The following HNRNPDL variants were observed in gnomAD, a reference collection of about 807,000 sequenced individuals.
The protein encoded by HNRNPDL is heterogeneous nuclear ribonucleoprotein D like, also known as heterogeneous nuclear ribonucleoprotein D-like.
HNRNPDL carries 18 observed loss-of-function variants against 48.0 expected under a neutral mutation model. That is an observed-to-expected ratio of 0.38 (90% CI 0.26 to 0.56). The LOEUF is 0.56. Among genes scored for constraint, HNRNPDL ranks in the 20% least tolerant of loss-of-function variants. The probability of loss-of-function intolerance (pLI) is 0.77; values close to 1 mark genes in which losing one functional copy is unlikely to be tolerated. For missense variants in HNRNPDL, 553 were observed against 540.7 expected, an observed-to-expected ratio of 1.02 and a Z score of -0.23; for synonymous variants, 306 against 207.3, an observed-to-expected ratio of 1.48 and a Z score of -4.09.
Position 82,423,567 on chromosome 4 carries a change from C to G in HNRNPDL, c.*1339G>C, listed in dbSNP as rs1044223683. 1 of 151,906 alleles carries G rather than the reference C, an allele frequency of 6.6e-6. No individual in the cohort carries two copies. Among genetic ancestry groups the G allele is most frequent in the South Asian group, 2.1e-4 (1 of 4,664 alleles). The allele number at this position is 151,906 out of a possible 1,614,324, so 9.4% of individuals were successfully genotyped here. ...AGGGCTCATGAGCATAAGAAACTTACCAGTTTTGTGAGATCACCCGTTGTG... is the reference window on the plus strand; with the variant it reads ...AGGGCTCATGAGCATAAGAAACTTAGCAGTTTTGTGAGATCACCCGTTGTG... On this transcript the variant is annotated 3_prime_UTR_variant, in exon 8 of 8. Transcript: ENST00000295470.
rs1721292198 is a variant in HNRNPDL at position 82,423,763 on chromosome 4, C to G, written c.*1143G>C. ...TTCTTTTCAATGCACCCAGAGGGTC[C>G]ACTGTAATGACTCAGTCACATTTGT... is the stretch of plus-strand genomic sequence containing the variant. On this transcript the variant is annotated 3_prime_UTR_variant, in exon 8 of 8. Coordinates refer to ENST00000295470, the MANE Select transcript of HNRNPDL (RefSeq NM_031372.4). 2 of 152,154 alleles carry G rather than the reference C, an allele frequency of 1.3e-5. No homozygotes were observed. The highest frequency in any genetic ancestry group is 4.8e-5 in the African/African-American group (2 of 41,424). The allele number at this position is 152,154 out of a possible 1,614,324, so 9.4% of individuals were successfully genotyped here. A position where few individuals can be genotyped will look rare whatever the true frequency, so the allele number is the denominator to read the frequency against.
chr4:82,427,699 T>C, intron 3 of HNRNPDL, 135 bp from the exon 4 acceptor site: 8 of 782,222 alleles, frequency 1.0e-5, no homozygotes, highest in Non-Finnish European at 1.3e-5. Context: ...CATCACTGCT[T>C]TATGATCAAC....
chr4:82,426,422 T>G (rs1560456834), intron 6 of HNRNPDL, 41 bp downstream of exon 6: 2 of 1,544,918 alleles, frequency 1.3e-6, no homozygotes, highest in Non-Finnish European at 8.9e-7. Context: ...ACAATGAATT[T>G]TAATACCACT....
At chr4:82,429,166 G>A (rs954537613) in intron 1 of HNRNPDL, 82 bp downstream of exon 1, 7 of 1,280,438 alleles carry the variant, frequency 5.5e-6, no homozygotes, top group Non-Finnish European at 8.0e-6. Context: ...AGAAAGAATG[G>A]GGGCAGCGCG....
rs769253084 is a variant in HNRNPDL, at chr4:82,429,347, T to G, written c.344A>C (p.Asp115Ala). ...TRTARQHPPA[D>A]SSVTMEDMNE... ...CATATCCTCCATAGTGACGGAGCTGTCGGCAGGGGGGTGCTGGCGCGCAGT... is the reference window on the plus strand; with the variant it reads ...CATATCCTCCATAGTGACGGAGCTGGCGGCAGGGGGGTGCTGGCGCGCAGT... Residue 115 changes from aspartate to alanine, a missense_variant, in exon 1 of 8, where the codon GAC becomes GCC. Transcript: ENST00000295470. 6.2e-7 allele frequency: 1 copy of G among 1,613,826 alleles called. No homozygotes were observed. Among genetic ancestry groups the G allele is most frequent in the East Asian group, 2.2e-5 (1 of 44,812 alleles).
In HNRNPDL at chr4:82,428,383, A is replaced by T; in HGVS notation, c.507T>A (p.Ser169=). Residue 169 remains serine (S), a synonymous_variant, in exon 2 of 8, where the codon TCT becomes TCA. Coordinates refer to ENST00000295470, the MANE Select transcript of HNRNPDL (RefSeq NM_031372.4). Reference sequence around the variant, plus strand: ...TGCAGTCTACAACTTCCCCAAATCGAGACAAGTACTCTGTCAGATCTTTTT... The same window carrying T: ...TGCAGTCTACAACTTCCCCAAATCGTGACAAGTACTCTGTCAGATCTTTTT... ...TSKKDLTEYL[S]RFGEVVDCTI... is the part of the protein sequence containing the mutation. 1.9e-6 allele frequency: 3 copies of T among 1,613,762 alleles called. No homozygotes were observed. Among genetic ancestry groups the T allele is most frequent in the Non-Finnish European group, 2.5e-6 (3 of 1,179,656 alleles).
At chr4:82,426,394 G>A in intron 6 of HNRNPDL, 69 bp downstream of exon 6, 2 of 1,383,924 alleles carry the variant, frequency 1.4e-6, no homozygotes, top group Non-Finnish European at 1.0e-6. Flanking sequence ...CACAATTTCA[G>A]AACAGGATTG....
In HNRNPDL at chr4:82,427,506, A is replaced by C; in HGVS notation, c.833T>G (p.Phe278Cys). ...TKTNERRGFC[F>C]ITYTDEEPVK... ...TGGCTCTTCATCAGTATATGTGATA[A>C]AACAAAATCCTCTTCTTTCATTTGT... Residue 278 changes from phenylalanine (F) to cysteine (C), a missense_variant, in exon 4 of 8, where the codon TTT becomes TGT. Phe to Cys is a radical substitution (Grantham distance 205). Coordinates refer to ENST00000295470, the MANE Select transcript of HNRNPDL (RefSeq NM_031372.4). 1 of 1,610,280 alleles carries C rather than the reference A, an allele frequency of 6.2e-7. No homozygotes were observed.
chr4:82,428,208 G>C, intron 2 of HNRNPDL, 29 bp from the exon 3 acceptor site: 1 of 1,611,766 alleles, frequency 6.2e-7, no homozygotes, highest in Non-Finnish European at 8.5e-7. Context: ...TAATCTGACA[G>C]CACCATATAA....
chr4:82,428,613 G>C (rs934179076), intron 1 of HNRNPDL, among the ~76,000 whole-genome samples, 167 bp from the exon 2 acceptor site: 4 of 152,118 alleles, frequency 2.6e-5, no homozygotes, highest in African/African-American at 9.7e-5. Context: ...ATATCCCAAC[G>C]AAGTTACTCA....
intron 1 of HNRNPDL, 28 bp from the exon 2 acceptor site, chr4:82,428,474 AT>A: frequency 1.3e-6 from 2 of 1,529,412 alleles, no homozygotes; most frequent in Non-Finnish European, 8.9e-7. Context: ...TTTAAAAAAA[AT>A]TAACAATAAC....
Position 82,422,586 on chromosome 4 carries a change from T to C in HNRNPDL, c.*2320A>G, listed in dbSNP as rs533970829. On this transcript the variant is annotated 3_prime_UTR_variant, in exon 8 of 8. Transcript: ENST00000295470. Reference sequence around the variant, plus strand: ...CGCTAGCATCCCAACAGACATCTCATTTTAATAGTCCTCATCTTATAAAAG... The same window carrying C: ...CGCTAGCATCCCAACAGACATCTCACTTTAATAGTCCTCATCTTATAAAAG... 2.0e-5 allele frequency: 3 copies of C among 152,328 alleles called. No individual in the cohort carries two copies. The highest frequency in any genetic ancestry group is 4.8e-5 in the African/African-American group (2 of 41,570). 9.4% of individuals were successfully genotyped at this position (152,328 alleles called of 1,614,324 possible).
chr4:82,429,071 T>C (rs1044448669), intron 1 of HNRNPDL, among the ~76,000 whole-genome samples, 177 bp downstream of exon 1: 5 of 151,256 alleles, frequency 3.3e-5, no homozygotes, highest in African/African-American at 1.2e-4. Flanking sequence ...TCTTCCCGGG[T>C]CTCTCCAGTC....
rs375464163 is a variant in HNRNPDL, at chr4:82,429,412, G to T, written c.279C>A (p.Ser93Arg). The T allele has an allele frequency of 6.2e-7, 1 of 1,613,258 alleles. No individual in the cohort carries two copies. Among genetic ancestry groups the T allele is most frequent in the African/African-American group, 1.3e-5 (1 of 75,006 alleles). ...CAGCGGCGGCGGAGCGTTGTATGGA[G>T]CTGGATTTAAAATGGCGGCGGAAGA... ...PDLFRRHFKSSSIQRSAAAAA... is the reference protein window; with the variant it reads ...PDLFRRHFKSRSIQRSAAAAA... The change falls in exon 1 of 8, where the codon AGC (serine) becomes AGA (arginine). Residue 93 changes from serine to arginine, a missense_variant. This residue lies in a region of HNRNPDL where 327 missense variants were observed against 203.2 expected (regional missense o/e 1.61). Coordinates refer to ENST00000295470, the MANE Select transcript of HNRNPDL (RefSeq NM_031372.4).
intron 3 of HNRNPDL, 54 bp from the exon 4 acceptor site, chr4:82,427,618 G>A (rs1721471741): frequency 1.9e-6 from 3 of 1,563,348 alleles, no homozygotes; most frequent in Admixed American, 1.9e-5. Context: ...ACGTTACAGT[G>A]TCAGAATGCC....
Position 82,430,004 on chromosome 4 carries a change from G to T in HNRNPDL, c.-314C>A, listed in dbSNP as rs1245871035. The T allele has an allele frequency of 4.6e-6, 1 of 219,776 alleles. No individual in the cohort carries two copies. Among genetic ancestry groups the T allele is most frequent in the Admixed American group, 5.8e-5 (1 of 17,178 alleles). 13.6% of individuals were successfully genotyped at this position (219,776 alleles called of 1,614,324 possible). On this transcript the variant is annotated 5_prime_UTR_variant, in exon 1 of 8. Transcript: ENST00000295470. ...CTCCGGAAAAAGGCGGACTGCGCCC[G>T]GCGCTGGCGACTGAGGCGGCGAGCG...
intron 5 of HNRNPDL, 147 bp downstream of exon 5, chr4:82,427,043 C>A (rs1416372237): frequency 8.4e-6 from 6 of 714,766 alleles, no homozygotes; most frequent in Non-Finnish European, 1.5e-5. Flanking sequence ...AAAAAACCAC[C>A]ACACACAACC....
chr4:82,429,124 G>A (rs1721561949), intron 1 of HNRNPDL, 124 bp downstream of exon 1: 2 of 864,120 alleles, frequency 2.3e-6, no homozygotes, highest in Non-Finnish European at 3.8e-6. Flanking sequence ...CAATCTAGTG[G>A]GGCCCAGAAG....
intron 6 of HNRNPDL, 80 bp from the exon 7 acceptor site, chr4:82,426,209 A>C: frequency 1.6e-6 from 2 of 1,236,062 alleles, no homozygotes; most frequent in Non-Finnish European, 2.4e-6. Context: ...TAAATCTACA[A>C]ATCTTTGCAT....
Sources: gnomAD v4.1 joint callset for allele counts (sites outside exome capture counted in the v4.1 genomes callset) on GRCh38, gnomAD v4.1.1 for gene constraint, gnomAD v4.1.1 regional missense constraint, MANE v1.5 for transcripts, NCBI Gene and HGNC (gene_info 2026-07-23, HGNC 2026-07-21) for gene names.